The following HEXB variants were observed in gnomAD, a reference collection of about 807,000 sequenced individuals.
HEXB encodes beta-hexosaminidase subunit beta.
A neutral mutation model predicts 71.2 loss-of-function variants in HEXB; 51 were observed. That is an observed-to-expected ratio of 0.72 (90% confidence interval 0.57 to 0.90). HEXB has a LOEUF of 0.90. Ranked by LOEUF, HEXB falls within the 40% of genes least tolerant of loss-of-function variation. HEXB has a pLI of 0.00. For synonymous variants in HEXB, 266 were observed against 249.3 expected, an observed-to-expected ratio of 1.07 and a Z score of -0.63; for missense variants, 617 against 677.0, an observed-to-expected ratio of 0.91 and a Z score of 0.98.
At chr5:74,646,299 A>T (rs1156233262) in intron 1 of HEXB, among the ~76,000 whole-genome samples, 1 of 152,124 alleles carries the variant, frequency 6.6e-6, no homozygotes, top group Non-Finnish European at 1.5e-5. Flanking sequence ...AATAAAAGTG[A>T]CTTGAATCTT....
chr5:74,677,960 C>T (rs1326812182), intron 1 of HEXB, among the ~76,000 whole-genome samples: 1 of 152,036 alleles, frequency 6.6e-6, no homozygotes, highest in Non-Finnish European at 1.5e-5. Context: ...AATGTGTGTG[C>T]ATGCTCTTCA....
At chr5:74,676,056 T>C (rs1748625395) in intron 1 of HEXB, among the ~76,000 whole-genome samples, 1 of 152,254 alleles carries the variant, frequency 6.6e-6, no homozygotes, top group South Asian at 2.1e-4. Flanking sequence ...AGCCCCAATA[T>C]GGCAAAGATG....
intron 11 of HEXB, among the ~76,000 whole-genome samples, chr5:74,719,364 A>G (rs1749758218): frequency 6.6e-6 from 1 of 152,138 alleles, no homozygotes; most frequent in African/African-American, 2.4e-5. Context: ...CTATAGTTTT[A>G]GTTCAGTGGA....
rs777971340 is a variant in HEXB at position 74,720,407 on chromosome 5, A to C, written c.1418-21A>C. The C allele has an allele frequency of 7.9e-6, 12 of 1,514,822 alleles. No individual in the cohort carries two copies. In the South Asian group the frequency reaches 1.3e-4, roughly 17 times the overall value. The allele number at this position is 1,514,822 out of a possible 1,614,324, so 93.8% of individuals were successfully genotyped here. A position where few individuals can be genotyped will look rare whatever the true frequency, so the allele number is the denominator to read the frequency against. ...GTATAAGCTTTGAACTTCTGAACTT[A>C]ATTCAATGATTTTAATTTAGGTACT... On this transcript the variant is annotated intron_variant, in intron 11 of 13. Coordinates refer to ENST00000261416, the MANE Select transcript of HEXB (RefSeq NM_000521.4).
At chr5:74,659,694 G>A (rs1329791378) in intron 1 of HEXB, among the ~76,000 whole-genome samples, 1 of 152,112 alleles carries the variant, frequency 6.6e-6, no homozygotes, top group Non-Finnish European at 1.5e-5. Context: ...CATGGATTTT[G>A]CTAAATTCTT....
intron 1 of HEXB, among the ~76,000 whole-genome samples, chr5:74,647,877 G>A (rs1748030470): frequency 6.6e-6 from 1 of 152,206 alleles, no homozygotes; most frequent in Non-Finnish European, 1.5e-5. Flanking sequence ...ATCGTGCTAA[G>A]GAATATCCCA....
rs191412105 is a variant in HEXB at position 74,652,330 on chromosome 5, T to C, written c.-377+11772T>C. Among the ~76,000 whole-genome samples, 474 of 152,310 alleles carry C rather than the reference T, an allele frequency of 3.1e-3. 3 individuals are homozygous for C. The highest frequency in any genetic ancestry group is 0.011 in the African/African-American group (447 of 41,570). ...GGCAGAATCCAGACCCCTCGCTTTC[T>C]TTTTCAGAGCTGTGCTCTCCTAGTG... On this transcript the variant is annotated intron_variant, in intron 1 of 13. Transcript: ENST00000511181. This position sits in a 1 kb window ranked among gnomAD's most constrained non-coding sequence, Gnocchi z 5.4.
At chr5:74,673,109 A>C (rs11747100) in intron 1 of HEXB, among the ~76,000 whole-genome samples, 28,480 of 152,178 alleles carry the variant, frequency 0.19, 2,769 homozygotes, top group East Asian at 0.25. Context: ...ATTGGGGAAC[A>C]AGATAGTGTG....
intron 1 of HEXB, among the ~76,000 whole-genome samples, chr5:74,663,442 C>T (rs1001478988): frequency 3.3e-5 from 5 of 152,100 alleles, no homozygotes; most frequent in African/African-American, 1.2e-4. Context: ...CCACCCGCCT[C>T]GGCCTCCCAA....
intron 5 of HEXB, 107 bp from the exon 6 acceptor site, chr5:74,705,112 A>AT: frequency 2.1e-5 from 13 of 608,672 alleles, no homozygotes; most frequent in Middle Eastern, 4.6e-4. Flanking sequence ...AAAAAAAAAA[A>AT]GTTTTAAAGG....
At chr5:74,716,987 C>T (rs1380727641) in intron 9 of HEXB, among the ~76,000 whole-genome samples, 1 of 152,086 alleles carries the variant, frequency 6.6e-6, no homozygotes, top group African/African-American at 2.4e-5. Flanking sequence ...GCCAGGAGTT[C>T]GAGACCAGCC....
intron 5 of HEXB, among the ~76,000 whole-genome samples, chr5:74,698,492 A>G (rs1401302751): frequency 6.6e-6 from 1 of 151,928 alleles, no homozygotes; most frequent in Non-Finnish European, 1.5e-5. Flanking sequence ...CCCGGATTCA[A>G]GCAATTCTCC....
At chr5:74,646,229 T>A (rs1036750882) in intron 1 of HEXB, among the ~76,000 whole-genome samples, 1 of 152,204 alleles carries the variant, frequency 6.6e-6, no homozygotes, top group Non-Finnish European at 1.5e-5. Context: ...CTTAGTAAAC[T>A]GCTTAAGGAG....
chr5:74,685,585 G>T (rs1299682630), intron 1 of HEXB, 26 bp downstream of exon 1: 1 of 1,528,428 alleles, frequency 6.5e-7, no homozygotes, highest in South Asian at 1.3e-5. Flanking sequence ...CCGGCCGGGA[G>T]TTGTCCTGGG....
intron 6 of HEXB, among the ~76,000 whole-genome samples, chr5:74,710,237 AC>A (rs1484971710): frequency 3.3e-5 from 5 of 151,788 alleles, no homozygotes; most frequent in East Asian, 1.9e-4. Flanking sequence ...AAATTCAACA[AC>A]CCTTCATGCT....
Position 74,641,795 on chromosome 5 carries a change from G to T in HEXB, c.-377+1237G>T, listed in dbSNP as rs1287909053. Among the ~76,000 whole-genome samples the T allele has an allele frequency of 6.6e-6, 1 of 152,108 alleles. No individual in the cohort carries two copies. The highest frequency in any genetic ancestry group is 2.4e-5 in the African/African-American group (1 of 41,422). ...GAGTTAAAATATCTGTCTTTTATTC[G>T]GTATTTGGAGCTAAGTCTATAAATG... On this transcript the variant is annotated intron_variant, in intron 1 of 13. Transcript: ENST00000511181. This position sits in a 1 kb window ranked among gnomAD's most constrained non-coding sequence, Gnocchi z 4.1.
chr5:74,685,103 A>G, upstream of HEXB: 1 of 766,218 alleles, frequency 1.3e-6, no homozygotes, highest in Non-Finnish European at 1.9e-6. Context: ...CTGGGCGAGG[A>G]CGCTCCCGGG....
intron 1 of HEXB, among the ~76,000 whole-genome samples, chr5:74,676,740 T>G (rs1293338094): frequency 1.3e-5 from 2 of 151,974 alleles, no homozygotes; most frequent in African/African-American, 4.8e-5. Flanking sequence ...CACTCCAGCC[T>G]TCATGACAGA....
At chr5:74,705,998 C>T (rs759210287) in intron 6 of HEXB, 2 of 153,018 alleles carry the variant, frequency 1.3e-5, no homozygotes, top group South Asian at 4.1e-4. Context: ...AATGTGCTAA[C>T]AGCACTTGTG....
Sources: allele counts gnomAD v4.1 joint callset (sites outside exome capture counted in the v4.1 genomes callset), GRCh38; gene constraint gnomAD v4.1.1; non-coding constraint Gnocchi (gnomAD v3.1); transcripts MANE v1.5; gene names NCBI Gene and HGNC (gene_info 2026-07-23, HGNC 2026-07-21).